GABRR3: variants seen among roughly 807,000 people sequenced by gnomAD.
GABRR3 encodes the protein gamma-aminobutyric acid receptor subunit rho-3.
Under a neutral mutation model 43.2 loss-of-function variants are expected in GABRR3, and 29 were observed. The observed-to-expected ratio is 0.67, with a 90% CI of 0.50 to 0.92. The LOEUF (loss-of-function observed/expected upper bound fraction) is 0.92, where lower values mean the gene tolerates loss of function less well. Ranked by LOEUF, GABRR3 falls within the 40% of genes least tolerant of loss-of-function variation. The pLI, the probability that GABRR3 is intolerant of heterozygous loss-of-function variation, is 0.00. For missense variants in GABRR3, 576 were observed against 572.3 expected, an observed-to-expected ratio of 1.01 and a Z score of -0.07; for synonymous variants, 206 against 195.9, an observed-to-expected ratio of 1.05 and a Z score of -0.43.
At chr3:97,986,283 T>G (rs1189810501), downstream of GABRR3, among the ~76,000 whole-genome samples, 1 of 152,218 alleles carries the variant, frequency 6.6e-6, no homozygotes. Flanking sequence ...TGTTCTTGCC[T>G]AGGACGGTTG....
chr3:98,001,827 A>C (rs764295356), intron 7 of GABRR3, 60 bp from the exon 8 acceptor site: 1 of 1,582,652 alleles, frequency 6.3e-7, no homozygotes, highest in Non-Finnish European at 8.6e-7. Context: ...CACTGCACTT[A>C]GTGAAATGAC....
chr3:97,986,225 A>G (rs929212546), downstream of GABRR3, among the ~76,000 whole-genome samples: 8 of 152,238 alleles, frequency 5.3e-5, no homozygotes, highest in South Asian at 4.1e-4. Flanking sequence ...GAGATCCTTC[A>G]TAGGATTCTC....
At chr3:98,015,759 CAT>C (rs936619756) in intron 4 of GABRR3, among the ~76,000 whole-genome samples, 1 of 152,138 alleles carries the variant, frequency 6.6e-6, no homozygotes, top group Non-Finnish European at 1.5e-5. Context: ...TATAAAGACA[CAT>C]AGCCATTGGG....
intron 8 of GABRR3, chr3:97,999,121 T>G (rs1706599379): frequency 6.6e-6 from 1 of 152,234 alleles, no homozygotes; most frequent in Admixed American, 6.6e-5. Context: ...AGAGAATAAG[T>G]GGCTTCCCTG....
At chr3:97,985,140 A>G (rs1256343535), downstream of GABRR3, among the ~76,000 whole-genome samples, 1 of 152,238 alleles carries the variant, frequency 6.6e-6, no homozygotes, top group Non-Finnish European at 1.5e-5. Context: ...ATTCAATCCC[A>G]GCAATCAAAA....
chr3:98,012,320 AAGGCGAT>A lies in GABRR3; in HGVS notation c.530+17_530+23del. The A allele has an allele frequency of 6.3e-7, 1 of 1,590,506 alleles. No individual in the cohort carries two copies. The highest frequency in any genetic ancestry group is 8.6e-7 in the Non-Finnish European group (1 of 1,160,270). ...AGATGGCTGCAGTACAGGGAAGCCAAAGGCGATAGGCAGCTTTCCTTACCTGAGACTT... is the reference window on the plus strand; with the variant it reads ...AGATGGCTGCAGTACAGGGAAGCCAAAGGCAGCTTTCCTTACCTGAGACTT... On this transcript the variant is annotated intron_variant, in intron 5 of 9. Transcript: ENST00000621172.
intron 1 of GABRR3, 93 bp from the exon 2 acceptor site, chr3:98,035,082 G>T: frequency 7.0e-7 from 1 of 1,427,818 alleles, no homozygotes; most frequent in Non-Finnish European, 9.5e-7. Flanking sequence ...AAAACAAACA[G>T]CATGTCAGGG....
chr3:97,994,965 T>C (rs939733833), intron 8 of GABRR3, among the ~76,000 whole-genome samples: 7 of 152,106 alleles, frequency 4.6e-5, no homozygotes, highest in African/African-American at 1.7e-4. Flanking sequence ...ACTTAGGTGC[T>C]AACCTCATTA....
At chr3:98,007,833 T>C in exon 7 of GABRR3, 1 of 1,612,818 alleles carries the variant, frequency 6.2e-7, no homozygotes, top group Non-Finnish European at 8.5e-7. Flanking sequence ...GAAAGGGACA[T>C]ATGTTCTTCA....
At chr3:98,007,309 G>A (rs1706733662) in intron 7 of GABRR3, among the ~76,000 whole-genome samples, 1 of 152,046 alleles carries the variant, frequency 6.6e-6, no homozygotes, top group Non-Finnish European at 1.5e-5. Flanking sequence ...GCCAAGCAGA[G>A]GCCCTGTAGA....
chr3:98,017,832 G>T, intron 3 of GABRR3, 110 bp from the exon 4 acceptor site: 2 of 715,252 alleles, frequency 2.8e-6, no homozygotes, highest in Non-Finnish European at 4.5e-6. Context: ...TACTGTTAAA[G>T]TTTTTTTAAA....
chr3:98,013,804 T>C (rs1164893749), intron 4 of GABRR3, among the ~76,000 whole-genome samples: 1 of 152,332 alleles, frequency 6.6e-6, no homozygotes, highest in Non-Finnish European at 1.5e-5. Context: ...TGTGGGTTAC[T>C]GCACAGAGAG....
intron 9 of GABRR3, among the ~76,000 whole-genome samples, chr3:97,989,480 GGGTGGATGGTGCTGGGT>G (rs1274121240): frequency 1.3e-5 from 2 of 151,156 alleles, no homozygotes; most frequent in Admixed American, 6.6e-5. Flanking sequence ...TGGTGGTAGA[GGGTGGATGGTGCTGGGT>G]GGTGGATGAT....
Position 98,012,327 on chromosome 3 carries a change from T to C in GABRR3, c.530+17A>G, listed in dbSNP as rs1706803236. 3 of 1,601,094 alleles carry C rather than the reference T, an allele frequency of 1.9e-6. No individual in the cohort carries two copies. Among genetic ancestry groups the C allele is most frequent in the Non-Finnish European group, 8.6e-7 (1 of 1,169,050 alleles). On this transcript the variant is annotated intron_variant, in intron 5 of 9. Transcript: ENST00000621172. ...TGCAGTACAGGGAAGCCAAAGGCGA[T>C]AGGCAGCTTTCCTTACCTGAGACTT...
intron 4 of GABRR3, 82 bp downstream of exon 4, chr3:98,017,573 A>T: frequency 1.1e-6 from 1 of 939,966 alleles, no homozygotes; most frequent in Non-Finnish European, 1.7e-6. Context: ...AATTAAAATG[A>T]TTTATTAAAA....
chr3:98,032,275 G>A (rs1027223916), intron 2 of GABRR3, among the ~76,000 whole-genome samples: 13 of 152,136 alleles, frequency 8.5e-5, no homozygotes, highest in Admixed American at 2.0e-4. Flanking sequence ...TTTAATTGCA[G>A]GCTTATATAA....
At chr3:98,034,799 G>T (rs945356699) in intron 2 of GABRR3, 64 bp downstream of exon 2, 5 of 1,591,300 alleles carry the variant, frequency 3.1e-6, no homozygotes, top group South Asian at 2.2e-5. Context: ...TTTCCTGTAG[G>T]TCTGAGACAA....
At chr3:97,989,255 T>C (rs938358977) in intron 9 of GABRR3, among the ~76,000 whole-genome samples, 3 of 145,778 alleles carry the variant, frequency 2.1e-5, no homozygotes, top group Admixed American at 6.8e-5. Flanking sequence ...TGGTTGATGA[T>C]GGTGTTGGGT....
intron 9 of GABRR3, among the ~76,000 whole-genome samples, chr3:97,991,513 G>A (rs1385725354): frequency 6.6e-6 from 1 of 152,198 alleles, no homozygotes; most frequent in Non-Finnish European, 1.5e-5. Flanking sequence ...CATGCTGCTA[G>A]CAAAGAAATG....
Sources: allele counts gnomAD v4.1 joint callset (sites outside exome capture counted in the v4.1 genomes callset), GRCh38; gene constraint gnomAD v4.1.1; transcripts MANE v1.5; gene names NCBI Gene and HGNC (gene_info 2026-07-23, HGNC 2026-07-21).